CDH18: variants seen among roughly 807,000 people sequenced by gnomAD.
CDH18 encodes the protein cadherin-18.
Under a neutral mutation model 67.9 loss-of-function variants are expected in CDH18, and 31 were observed. That is an observed-to-expected ratio of 0.46 (90% CI 0.34 to 0.62). The LOEUF (loss-of-function observed/expected upper bound fraction) is 0.62, where lower values mean the gene tolerates loss of function less well. CDH18 is among the 20% of genes least tolerant of loss of function. The probability of loss-of-function intolerance (pLI) is 0.01; values close to 1 mark genes in which losing one functional copy is unlikely to be tolerated. For synonymous variants in CDH18, 362 were observed against 347.2 expected, an observed-to-expected ratio of 1.04 and a Z score of -0.48; for missense variants, 890 against 975.5, an observed-to-expected ratio of 0.91 and a Z score of 1.17.
At chr5:19,646,781 C>T (rs976106235) in intron 5 of CDH18, among the ~76,000 whole-genome samples, 2 of 152,026 alleles carry the variant, frequency 1.3e-5, no homozygotes, top group African/African-American at 4.8e-5. Context: ...GAGAGCAATG[C>T]TAATACAGGG....
intron 9 of CDH18, among the ~76,000 whole-genome samples, chr5:19,522,864 C>T (rs538068915): frequency 7.2e-6 from 1 of 139,328 alleles, no homozygotes; most frequent in Non-Finnish European, 1.5e-5. Flanking sequence ...CACTGCACTG[C>T]AGCCTGAGTG....
intron 2 of CDH18, among the ~76,000 whole-genome samples, chr5:20,194,398 T>C (rs1738795010): frequency 6.6e-6 from 1 of 152,004 alleles, no homozygotes. Context: ...GCCAGAATGG[T>C]ACTCTAAGCA....
intron 1 of CDH18, among the ~76,000 whole-genome samples, chr5:20,501,839 TGAA>T (rs1457651862): frequency 4.0e-5 from 6 of 149,038 alleles, no homozygotes; most frequent in Non-Finnish European, 8.9e-5. Context: ...AGTTCTTTCT[TGAA>T]GAAGAACTCA....
intron 6 of CDH18, among the ~76,000 whole-genome samples, chr5:19,596,402 G>C (rs1468549930): frequency 2.6e-5 from 4 of 152,126 alleles, no homozygotes; most frequent in Non-Finnish European, 5.9e-5. Context: ...AATATTTTGA[G>C]ACAGAGACTA....
At chr5:20,172,214 A>ATACGTATATATATATACG (rs1554098758) in intron 2 of CDH18, among the ~76,000 whole-genome samples, 8 of 32,856 alleles carry the variant, frequency 2.4e-4, no homozygotes, top group African/African-American at 9.9e-4. Flanking sequence ...ATATATATAT[A>ATACGTATATATATATACG]TATATATATG....
At chr5:19,716,055 G>A (rs1055788531) in intron 5 of CDH18, among the ~76,000 whole-genome samples, 78 of 152,118 alleles carry the variant, frequency 5.1e-4, no homozygotes, top group South Asian at 2.3e-3. Context: ...CTGACCTGAC[G>A]TGATCCGTCC....
intron 5 of CDH18, among the ~76,000 whole-genome samples, chr5:19,667,144 T>C (rs949177530): frequency 2.0e-5 from 3 of 151,790 alleles, no homozygotes; most frequent in Non-Finnish European, 4.4e-5. Context: ...GCAATTAAAA[T>C]TTCAGCTAAG....
At chr5:20,120,235 T>C (rs888936791) in intron 2 of CDH18, among the ~76,000 whole-genome samples, 15 of 152,148 alleles carry the variant, frequency 9.9e-5, no homozygotes, top group African/African-American at 3.4e-4. Context: ...AAAATAGTTC[T>C]GCCTGTAAGG....
chr5:20,378,575 T>C (rs1159989373), intron 1 of CDH18, among the ~76,000 whole-genome samples: 2 of 152,184 alleles, frequency 1.3e-5, no homozygotes, highest in Admixed American at 1.3e-4. Flanking sequence ...AATTGATGTG[T>C]ATAATGATAA....
At chr5:20,158,698 G>T in intron 2 of CDH18, 1 of 170,228 alleles carries the variant, frequency 5.9e-6, no homozygotes. Context: ...CTGTTTGCCA[G>T]ATGTCCTTCA....
rs1742048818 is a variant in CDH18, at chr5:19,574,825, G to A, written c.1000-2993C>T. Among the ~76,000 whole-genome samples the A allele has an allele frequency of 3.3e-5, 5 of 151,928 alleles. No individual in the cohort carries two copies. In the South Asian group the frequency reaches 8.3e-4, roughly 25 times the overall value. Reference sequence around the variant, plus strand: ...TGGGAGGCCGAGGTGGGCGGATCACGAGGTCAGGAGGTCGACCATCGTGGC... The same window carrying A: ...TGGGAGGCCGAGGTGGGCGGATCACAAGGTCAGGAGGTCGACCATCGTGGC... On this transcript the variant is annotated intron_variant, in intron 7 of 12. Coordinates refer to ENST00000382275, the MANE Select transcript of CDH18 (RefSeq NM_004934.5).
At chr5:20,218,595 G>A (rs1318234769) in intron 2 of CDH18, among the ~76,000 whole-genome samples, 1 of 151,988 alleles carries the variant, frequency 6.6e-6, no homozygotes, top group Non-Finnish European at 1.5e-5. Flanking sequence ...TGTGTTGTGG[G>A]ATGGACTCAG....
intron 6 of CDH18, among the ~76,000 whole-genome samples, chr5:19,610,488 A>G (rs1748773117): frequency 6.6e-6 from 1 of 152,000 alleles, no homozygotes; most frequent in African/African-American, 2.4e-5. Flanking sequence ...TATTTTAGGA[A>G]GAAATGGAGA....
intron 3 of CDH18, among the ~76,000 whole-genome samples, chr5:19,802,895 T>C (rs947027984): frequency 2.6e-5 from 4 of 152,324 alleles, no homozygotes; most frequent in Non-Finnish European, 2.9e-5. Context: ...GGAAGTGTCA[T>C]GGGCAATGGT....
intron 2 of CDH18, among the ~76,000 whole-genome samples, chr5:20,002,367 A>G (rs1736519485): frequency 1.3e-5 from 2 of 152,194 alleles, no homozygotes; most frequent in South Asian, 2.1e-4. Context: ...ACTTCAGTCA[A>G]ATTTTAGCTT....
chr5:19,662,057 T>A (rs1293020283), intron 5 of CDH18, among the ~76,000 whole-genome samples: 1 of 151,952 alleles, frequency 6.6e-6, no homozygotes, highest in South Asian at 2.1e-4. Context: ...GGTGAACTAA[T>A]GGCAATGCGT....
chr5:19,795,060 T>C (rs981025508), intron 3 of CDH18, among the ~76,000 whole-genome samples: 9 of 152,120 alleles, frequency 5.9e-5, no homozygotes, highest in Non-Finnish European at 1.0e-4. Flanking sequence ...GCAGCTCAGC[T>C]TCTTGCAGAG....
intron 1 of CDH18, among the ~76,000 whole-genome samples, chr5:20,332,040 T>C (rs1013040234): frequency 1.3e-5 from 2 of 152,196 alleles, no homozygotes; most frequent in African/African-American, 4.8e-5. Context: ...AGTTGTGGCC[T>C]GTTTTGAAGA....
intron 1 of CDH18, among the ~76,000 whole-genome samples, chr5:20,365,085 A>G (rs1203461695): frequency 2.0e-5 from 3 of 152,174 alleles, no homozygotes; most frequent in Non-Finnish European, 4.4e-5. Context: ...AATATCACAG[A>G]CCGGATGATT....
Sources: allele counts gnomAD v4.1 joint callset (sites outside exome capture counted in the v4.1 genomes callset), GRCh38; gene constraint gnomAD v4.1.1; transcripts MANE v1.5; gene names NCBI Gene and HGNC (gene_info 2026-07-23, HGNC 2026-07-21).